Variants in SNX30 observed in about 807,000 individuals in gnomAD.
SNX30 encodes sorting nexin family member 30.
In SNX30, 24 loss-of-function variants were observed where a neutral mutation model predicts 46.4. That is an observed-to-expected ratio of 0.52 (90% confidence interval 0.37 to 0.73). The LOEUF (loss-of-function observed/expected upper bound fraction) is 0.73, where lower values mean the gene tolerates loss of function less well. SNX30 is among the 30% of genes least tolerant of loss of function. The pLI, the probability that SNX30 is intolerant of heterozygous loss-of-function variation, is 0.00. For missense variants in SNX30, 533 were observed against 555.7 expected (o/e 0.96, Z 0.41); for synonymous variants, 189 against 211.5 (o/e 0.89, Z 0.92).
chr9:112,835,609 G>A (rs1474847027), intron 4 of SNX30, among the ~76,000 whole-genome samples: 2 of 151,964 alleles, frequency 1.3e-5, no homozygotes, highest in Non-Finnish European at 2.9e-5. Flanking sequence ...GAGCCACCAT[G>A]CCTAGCCTGG....
intron 6 of SNX30, among the ~76,000 whole-genome samples, chr9:112,845,752 G>A (rs575737943): frequency 6.6e-6 from 1 of 152,292 alleles, no homozygotes; most frequent in East Asian, 1.9e-4. Context: ...CTCAATGAAA[G>A]GACCCAGCCG....
intron 3 of SNX30, among the ~76,000 whole-genome samples, chr9:112,820,110 G>C (rs923800998): frequency 2.2e-4 from 33 of 152,212 alleles, no homozygotes; most frequent in African/African-American, 7.2e-4. Flanking sequence ...ATAGACACTA[G>C]AAGAGAATGG....
intron 1 of SNX30, among the ~76,000 whole-genome samples, chr9:112,796,608 A>T (rs1327755936): frequency 6.6e-6 from 1 of 152,072 alleles, no homozygotes; most frequent in African/African-American, 2.4e-5. Context: ...CGGAGGGGGG[A>T]GGTCTATTGC....
At position 112,750,956 on chromosome 9, in the gene SNX30, G is replaced by A; in HGVS notation, c.-46G>A. The A allele has an allele frequency of 8.3e-7, 1 of 1,199,534 alleles. No homozygotes were observed. The highest frequency in any genetic ancestry group is 1.0e-6 in the Non-Finnish European group (1 of 968,142). The allele number at this position is 1,199,534 out of a possible 1,614,324, so 74.3% of individuals were successfully genotyped here. A position where few individuals can be genotyped will look rare whatever the true frequency, so the allele number is the denominator to read the frequency against. On this transcript the variant is annotated 5_prime_UTR_variant, in exon 1 of 9. Coordinates refer to ENST00000374232, the MANE Select transcript of SNX30 (RefSeq NM_001012994.2). Reference sequence around the variant, plus strand: ...GGTGCTCGGGGAGCTCGCCGCGGCGGGCAGCAGGAGGAAGCGGCGGCGGCG... The same window carrying A: ...GGTGCTCGGGGAGCTCGCCGCGGCGAGCAGCAGGAGGAAGCGGCGGCGGCG...
chr9:112,855,329 C>A (rs1048564772), intron 7 of SNX30, among the ~76,000 whole-genome samples: 2 of 152,088 alleles, frequency 1.3e-5, no homozygotes, highest in African/African-American at 4.8e-5. Context: ...GCTCAGGGGA[C>A]TGTCTCAGGA....
At chr9:112,766,458 G>T (rs1477397266) in intron 1 of SNX30, among the ~76,000 whole-genome samples, 1 of 151,982 alleles carries the variant, frequency 6.6e-6, no homozygotes, top group Admixed American at 6.6e-5. Context: ...TGTACAATAC[G>T]ATGGCGTTAA....
At chr9:112,867,468 T>C (rs1841379289) in intron 8 of SNX30, among the ~76,000 whole-genome samples, 1 of 148,586 alleles carries the variant, frequency 6.7e-6, no homozygotes, top group Non-Finnish European at 1.5e-5. Flanking sequence ...TCAGAACTCC[T>C]CCCACCTCAG....
chr9:112,767,124 A>AT (rs56245252), intron 1 of SNX30, among the ~76,000 whole-genome samples: 64 of 149,622 alleles, frequency 4.3e-4, no homozygotes, highest in Admixed American at 1.1e-3. Context: ...TAATTATTTT[A>AT]TTTTTTTTTT....
intron 3 of SNX30, among the ~76,000 whole-genome samples, chr9:112,819,989 C>G (rs1840467745): frequency 6.6e-6 from 1 of 152,198 alleles, no homozygotes; most frequent in Non-Finnish European, 1.5e-5. Flanking sequence ...ATAGCCCACA[C>G]CATGCATCAG....
chr9:112,804,684 A>T (rs1278956268), intron 1 of SNX30, 92 bp from the exon 2 acceptor site: 1 of 1,180,730 alleles, frequency 8.5e-7, no homozygotes, highest in Non-Finnish European at 1.2e-6. Flanking sequence ...TGGGTTTTAG[A>T]AATGTTTATT....
intron 1 of SNX30, among the ~76,000 whole-genome samples, chr9:112,766,368 A>C (rs1839537086): frequency 6.6e-6 from 1 of 151,918 alleles, no homozygotes; most frequent in South Asian, 2.1e-4. Flanking sequence ...TTTTTTCCCA[A>C]AGAAAAGACA....
chr9:112,856,686 T>C (rs1005599037), intron 7 of SNX30: 3 of 151,466 alleles, frequency 2.0e-5, no homozygotes, highest in Non-Finnish European at 2.9e-5. Flanking sequence ...AAAGACGTGG[T>C]GGGTAGTGAA....
chr9:112,823,828 A>G (rs1840541830), intron 3 of SNX30, among the ~76,000 whole-genome samples: 1 of 152,222 alleles, frequency 6.6e-6, no homozygotes, highest in African/African-American at 2.4e-5. Context: ...GGATAAGTTA[A>G]TAAGTATTGA....
chr9:112,828,095 A>AT, intron 3 of SNX30, among the ~76,000 whole-genome samples: 1 of 152,328 alleles, frequency 6.6e-6, no homozygotes, highest in Non-Finnish European at 1.5e-5. Context: ...CAGTAAAATT[A>AT]TTTTCCTGTA....
downstream of SNX30, chr9:112,879,007 G>A (rs1220769487): frequency 6.6e-6 from 1 of 152,210 alleles, no homozygotes; most frequent in Non-Finnish European, 1.5e-5. Context: ...AAATAAAATA[G>A]CTCTTAATGT....
At chr9:112,812,040 C>G (rs1588124386) in intron 2 of SNX30, among the ~76,000 whole-genome samples, 1 of 152,158 alleles carries the variant, frequency 6.6e-6, no homozygotes, top group African/African-American at 2.4e-5. Flanking sequence ...GGCCCAGTTT[C>G]AGCTGGTGTG....
intron 4 of SNX30, among the ~76,000 whole-genome samples, chr9:112,832,822 AAT>A (rs201556099): frequency 0.012 from 1,756 of 146,786 alleles, 40 homozygotes; most frequent in African/African-American, 0.042. Context: ...ATTATATATT[AAT>A]ATATAATAAA....
intron 1 of SNX30, among the ~76,000 whole-genome samples, chr9:112,796,347 A>G (rs1046406874): frequency 3.3e-5 from 5 of 152,228 alleles, no homozygotes; most frequent in Admixed American, 3.3e-4. Flanking sequence ...GTTTACTGAA[A>G]TAACCAAGAC....
chr9:112,798,009 C>G (rs956912533), intron 1 of SNX30, among the ~76,000 whole-genome samples: 3 of 151,120 alleles, frequency 2.0e-5, no homozygotes, highest in African/African-American at 7.3e-5. Context: ...ACTGCGCGCC[C>G]AGCCAGGTTT....
Sources: allele counts gnomAD v4.1 joint callset (sites outside exome capture counted in the v4.1 genomes callset), GRCh38; gene constraint gnomAD v4.1.1; transcripts MANE v1.5; gene names NCBI Gene and HGNC (gene_info 2026-07-23, HGNC 2026-07-21).